Variants in NDRG3 observed in about 807,000 individuals in gnomAD.
NDRG3 encodes NDRG family member 3, also known as protein NDRG3.
NDRG3 carries 23 observed loss-of-function variants against 57.2 expected under a neutral mutation model. The observed-to-expected ratio is 0.40, with a 90% confidence interval of 0.29 to 0.57. NDRG3 has a LOEUF of 0.57. Ranked by LOEUF, NDRG3 falls within the 20% of genes least tolerant of loss-of-function variation. The probability of loss-of-function intolerance (pLI) is 0.42; values close to 1 mark genes in which losing one functional copy is unlikely to be tolerated. For missense variants in NDRG3, 384 were observed against 457.3 expected (o/e 0.84, Z 1.46); for synonymous variants, 132 against 162.6 (o/e 0.81, Z 1.43).
chr20:36,719,307 G>C lies in NDRG3; in HGVS notation c.57+2372C>G, dbSNP rs182958499. 4.8e-3 allele frequency among the ~76,000 whole-genome samples: 732 copies of C among 151,600 alleles called. 5 individuals are homozygous for C. Among genetic ancestry groups the C allele is most frequent in the Non-Finnish European group, 6.9e-3 (468 of 67,910 alleles). Reference sequence around the variant, plus strand: ...CTGGGCATGGTGTTGCACACCTGTAGTCCCAGCTACTTGGGAGGCTGAAGC... The same window carrying C: ...CTGGGCATGGTGTTGCACACCTGTACTCCCAGCTACTTGGGAGGCTGAAGC... On this transcript the variant is annotated intron_variant, in intron 2 of 15. Transcript: ENST00000349004.
intron 2 of NDRG3, among the ~76,000 whole-genome samples, chr20:36,720,901 G>A (rs566896063): frequency 2.7e-5 from 4 of 150,896 alleles, no homozygotes; most frequent in East Asian, 4.0e-4. Context: ...TCAGCCTCCC[G>A]AGTAGCTGGG....
chr20:36,737,599 C>T (rs539343692), intron 1 of NDRG3, among the ~76,000 whole-genome samples: 3 of 152,024 alleles, frequency 2.0e-5, no homozygotes, highest in Non-Finnish European at 4.4e-5. Flanking sequence ...GAAGCTCGGA[C>T]GGGGTATTGT....
At chr20:36,676,016 G>A (rs1980663886) in intron 8 of NDRG3, among the ~76,000 whole-genome samples, 1 of 152,040 alleles carries the variant, frequency 6.6e-6, no homozygotes, top group Non-Finnish European at 1.5e-5. Context: ...TGAGGCGGGC[G>A]GATCATGAGG....
At chr20:36,715,793 T>C (rs1245845092) in intron 2 of NDRG3, among the ~76,000 whole-genome samples, 1 of 151,740 alleles carries the variant, frequency 6.6e-6, no homozygotes, top group Non-Finnish European at 1.5e-5. Flanking sequence ...GCCATGCCAC[T>C]GTACTCTAAC....
intron 3 of NDRG3, among the ~76,000 whole-genome samples, chr20:36,689,763 C>T (rs1163588761): frequency 2.0e-5 from 3 of 147,662 alleles, no homozygotes; most frequent in Non-Finnish European, 3.0e-5. Context: ...CTCCGTCACC[C>T]AGGCTGGAGT....
chr20:36,665,089 G>C lies in NDRG3; in HGVS notation c.767C>G (p.Thr256Ser), dbSNP rs952715193. ...CGAATTGTCCCCTACCACCAGTAAA[G>C]TAGAACACCTAGGTAGGCAAAGTAA... ...DNKSKTLKCSTLLVVGDNSPA... is the reference protein window; with the variant it reads ...DNKSKTLKCSSLLVVGDNSPA... Residue 256 changes from threonine (T) to serine (S), a missense_variant, in exon 12 of 16, where the codon ACT becomes AGT. Thr to Ser is a moderately conservative substitution (Grantham distance 58). Transcript: ENST00000349004. 9 of 1,614,010 alleles carry C rather than the reference G, an allele frequency of 5.6e-6. No homozygotes were observed. In the African/African-American group the frequency reaches 1.2e-4, roughly 22 times the overall value.
intron 2 of NDRG3, among the ~76,000 whole-genome samples, chr20:36,713,430 T>C (rs773241711): frequency 5.3e-5 from 8 of 151,724 alleles, no homozygotes; most frequent in Non-Finnish European, 7.4e-5. Context: ...TAAAGTGAAT[T>C]ATGAAAAAAA....
At chr20:36,695,757 G>A (rs1012700543) in intron 3 of NDRG3, among the ~76,000 whole-genome samples, 4 of 152,198 alleles carry the variant, frequency 2.6e-5, no homozygotes, top group South Asian at 4.1e-4. Flanking sequence ...TTCTAGTTTC[G>A]CCCTGGCCTT....
At chr20:36,731,055 A>C (rs1168469587) in intron 1 of NDRG3, among the ~76,000 whole-genome samples, 4 of 152,188 alleles carry the variant, frequency 2.6e-5, no homozygotes, top group African/African-American at 9.6e-5. Context: ...AATGGAAATT[A>C]GTGAGCTGAG....
chr20:36,721,257 A>G (rs1372915286), intron 2 of NDRG3, among the ~76,000 whole-genome samples: 1 of 151,626 alleles, frequency 6.6e-6, no homozygotes, highest in Non-Finnish European at 1.5e-5. Flanking sequence ...TTGGCCTGGC[A>G]CAGTGGCTCA....
intron 8 of NDRG3, among the ~76,000 whole-genome samples, chr20:36,680,302 TG>T (rs1242050919): frequency 6.6e-5 from 10 of 151,532 alleles, no homozygotes; most frequent in Non-Finnish European, 1.2e-4. Flanking sequence ...CTGGTCAAGA[TG>T]GTGAAACCTG....
intron 2 of NDRG3, among the ~76,000 whole-genome samples, chr20:36,710,812 C>CAAA (rs35710822): frequency 3.3e-5 from 3 of 91,562 alleles, no homozygotes; most frequent in African/African-American, 4.5e-5. Context: ...GACTCCGTCT[C>CAAA]AAAAAAAAAA....
intron 8 of NDRG3, among the ~76,000 whole-genome samples, chr20:36,675,605 C>T (rs1980618925): frequency 1.3e-5 from 2 of 151,678 alleles, no homozygotes; most frequent in African/African-American, 2.4e-5. Flanking sequence ...AGGCTGGTCT[C>T]GAACTCCCGA....
intron 13 of NDRG3, among the ~76,000 whole-genome samples, chr20:36,658,012 G>A (rs536798036): frequency 3.3e-5 from 5 of 152,276 alleles, no homozygotes; most frequent in Admixed American, 1.3e-4. Flanking sequence ...ATTCTATGGT[G>A]TTGTAGATGG....
At chr20:36,654,672 C>G in intron 15 of NDRG3, 1 of 689,372 alleles carries the variant, frequency 1.5e-6, no homozygotes, top group Non-Finnish European at 2.7e-6. Flanking sequence ...TAGGCTAAAT[C>G]TCTTGGGGCG....
At chr20:36,691,965 G>GA (rs1982298801) in intron 3 of NDRG3, among the ~76,000 whole-genome samples, 1 of 152,090 alleles carries the variant, frequency 6.6e-6, no homozygotes, top group Non-Finnish European at 1.5e-5. Flanking sequence ...TCTACATAGG[G>GA]AGGCACACAA....
intron 1 of NDRG3, among the ~76,000 whole-genome samples, chr20:36,738,323 C>T (rs1486530315): frequency 4.0e-5 from 6 of 151,230 alleles, no homozygotes; most frequent in African/African-American, 7.3e-5. Flanking sequence ...GGTGAAACCC[C>T]GTCTCTAATA....
chr20:36,670,654 A>C (rs2148056479), intron 9 of NDRG3, among the ~76,000 whole-genome samples: 1 of 152,320 alleles, frequency 6.6e-6, no homozygotes, highest in Non-Finnish European at 1.5e-5. Context: ...TACTCGATAA[A>C]TGCTAGTTTT....
intron 2 of NDRG3, among the ~76,000 whole-genome samples, chr20:36,708,794 T>C (rs1409278779): frequency 6.6e-6 from 1 of 152,060 alleles, no homozygotes; most frequent in Non-Finnish European, 1.5e-5. Flanking sequence ...AGCACGGCAC[T>C]TTGGGAGGCC....
Sources: allele counts gnomAD v4.1 joint callset (sites outside exome capture counted in the v4.1 genomes callset), GRCh38; gene constraint gnomAD v4.1.1; transcripts MANE v1.5; gene names NCBI Gene and HGNC (gene_info 2026-07-23, HGNC 2026-07-21).